The following PCDHA12 variants were observed in gnomAD, a reference collection of about 807,000 sequenced individuals.
PCDHA12 encodes protocadherin alpha 12.
A neutral mutation model predicts 60.0 loss-of-function variants in PCDHA12; 44 were observed. The ratio of observed to expected loss-of-function variants is 0.73; its 90% CI spans 0.58 to 0.94. The LOEUF (loss-of-function observed/expected upper bound fraction) is 0.94. PCDHA12 is among the 40% of genes least tolerant of loss of function. PCDHA12 has a pLI of 0.00. For synonymous variants in PCDHA12, 569 were observed against 553.0 expected (o/e 1.03, Z -0.40); for missense variants, 1,276 against 1,239.7 (o/e 1.03, Z -0.44).
At chr5:140,957,221 C>T (rs1171404836) in intron 1 of PCDHA12, among the ~76,000 whole-genome samples, 3 of 151,984 alleles carry the variant, frequency 2.0e-5, no homozygotes, top group Non-Finnish European at 4.4e-5. Flanking sequence ...AAAAATTTGG[C>T]GAAGCATTTT....
intron 1 of PCDHA12, chr5:140,884,803 C>A: frequency 1.6e-6 from 2 of 1,225,132 alleles, no homozygotes; most frequent in Non-Finnish European, 2.2e-6. Context: ...AATTTAACAA[C>A]TCTGCTGTGG....
At position 140,877,198 on chromosome 5, in the gene PCDHA12, G is replaced by A. The variant is rs781787046; in HGVS notation, c.1726G>A (p.Ala576Thr). Residue 576 changes from alanine to threonine, a missense_variant, in exon 1 of 4, where the codon GCA (alanine) becomes ACA (threonine). By Grantham distance (58) the Ala-to-Thr change is moderately conservative. Transcript: ENST00000398631. Reference sequence around the variant, plus strand: ...GACTCCGGCTGGCAGCGCAGGAGGCGCAGTTAGCGAGTTGGTACCGCGGTC... The same window carrying A: ...GACTCCGGCTGGCAGCGCAGGAGGCACAGTTAGCGAGTTGGTACCGCGGTC... ...LATPAGSAGG[A>T]VSELVPRSVG... The A allele has an allele frequency of 1.5e-5, 24 of 1,613,830 alleles. No individual in the cohort carries two copies. The highest frequency in any genetic ancestry group is 7.7e-5 in the South Asian group (7 of 91,064).
At chr5:140,964,107 G>A (rs1298844061) in intron 1 of PCDHA12, among the ~76,000 whole-genome samples, 1 of 152,090 alleles carries the variant, frequency 6.6e-6, no homozygotes, top group Non-Finnish European at 1.5e-5. Flanking sequence ...AACAGTCTGA[G>A]CAATCACATT....
At chr5:140,966,489 C>T in intron 1 of PCDHA12, 1 of 440,146 alleles carries the variant, frequency 2.3e-6, no homozygotes, top group Non-Finnish European at 3.9e-6. Flanking sequence ...TTCCCTCCCC[C>T]TGGAGCTGTA....
intron 1 of PCDHA12, among the ~76,000 whole-genome samples, chr5:140,961,185 G>T (rs2095595656): frequency 6.6e-6 from 1 of 152,100 alleles, no homozygotes; most frequent in Non-Finnish European, 1.5e-5. Context: ...ACTCCTCACA[G>T]GACCCTAGTG....
chr5:140,980,455 C>T (rs1412427414), intron 2 of PCDHA12, among the ~76,000 whole-genome samples: 1 of 152,086 alleles, frequency 6.6e-6, no homozygotes, highest in African/African-American at 2.4e-5. Context: ...CACGGTGAAA[C>T]CCTGTCTCTA....
chr5:141,007,393 T>C (rs1485010105), intron 3 of PCDHA12, among the ~76,000 whole-genome samples: 2 of 23,410 alleles, frequency 8.5e-5, no homozygotes, highest in African/African-American at 2.3e-4. Context: ...TCTACTAAAA[T>C]ACAAAAAAAA....
intron 3 of PCDHA12, among the ~76,000 whole-genome samples, chr5:140,985,628 T>C (rs1399381029): frequency 6.6e-6 from 1 of 152,116 alleles, no homozygotes; most frequent in Non-Finnish European, 1.5e-5. Flanking sequence ...TGTGTATTGC[T>C]CTTCTCATCC....
intron 1 of PCDHA12, among the ~76,000 whole-genome samples, chr5:140,912,304 C>T (rs904729298): frequency 6.6e-6 from 1 of 151,998 alleles, no homozygotes; most frequent in Admixed American, 6.6e-5. Flanking sequence ...TCCTGTAATC[C>T]AGTCAAGTTG....
chr5:140,899,931 C>G (rs1163496997), intron 1 of PCDHA12, among the ~76,000 whole-genome samples: 1 of 152,112 alleles, frequency 6.6e-6, no homozygotes, highest in African/African-American at 2.4e-5. Context: ...CCTCAGCCTC[C>G]TGAATAGCTG....
At chr5:140,931,662 T>C (rs905670675) in intron 1 of PCDHA12, among the ~76,000 whole-genome samples, 2 of 152,028 alleles carry the variant, frequency 1.3e-5, no homozygotes, top group Non-Finnish European at 2.9e-5. Context: ...GTGGGCTGGA[T>C]ATTTCCTTAT....
At chr5:140,948,305 T>C (rs1554218512) in intron 1 of PCDHA12, among the ~76,000 whole-genome samples, 1 of 151,622 alleles carries the variant, frequency 6.6e-6, no homozygotes, top group African/African-American at 2.4e-5. Context: ...ATATCTTTTC[T>C]TCTTGAGGGG....
chr5:140,986,036 G>A (rs2097184937), intron 3 of PCDHA12, among the ~76,000 whole-genome samples: 2 of 152,116 alleles, frequency 1.3e-5, no homozygotes, highest in Admixed American at 1.3e-4. Context: ...ACTGCGCCTG[G>A]CCTCACTGAT....
intron 2 of PCDHA12, among the ~76,000 whole-genome samples, chr5:140,981,266 A>C (rs1355658823): frequency 6.6e-6 from 1 of 152,166 alleles, no homozygotes; most frequent in Non-Finnish European, 1.5e-5. Context: ...AAGATAAGCA[A>C]ATGTCTAGTT....
Position 140,914,039 on chromosome 5 carries a change from G to A in PCDHA12, c.2367+36200G>A, listed in dbSNP as rs147787020. Among the ~76,000 whole-genome samples the A allele has an allele frequency of 2.0e-5, 3 of 152,238 alleles. No individual in the cohort carries two copies. In the East Asian group the frequency reaches 5.8e-4, roughly 29 times the overall value. ...ATGATCCACGTGCTGAGAAGAATGT[G>A]TATTCTGCAGCTGTTGGATGAAATG... is the stretch of plus-strand genomic sequence containing the variant. On this transcript the variant is annotated intron_variant, in intron 1 of 3. Coordinates refer to ENST00000398631, the MANE Select transcript of PCDHA12 (RefSeq NM_018903.4).
chr5:140,982,802 T>G (rs2153829847), intron 3 of PCDHA12, among the ~76,000 whole-genome samples: 1 of 152,122 alleles, frequency 6.6e-6, no homozygotes, highest in South Asian at 2.1e-4. Context: ...TGCATGTGTG[T>G]GTGTGTGTAT....
chr5:140,969,129 C>G (rs576180714), intron 1 of PCDHA12: 4 of 1,614,144 alleles, frequency 2.5e-6, no homozygotes, highest in Admixed American at 1.7e-5. Context: ...GGCTCCCTCA[C>G]CAAGACCTAC....
At chr5:140,908,452 T>A (rs2073982140) in intron 1 of PCDHA12, among the ~76,000 whole-genome samples, 1 of 152,196 alleles carries the variant, frequency 6.6e-6, no homozygotes, top group African/African-American at 2.4e-5. Context: ...TATGGCTAGA[T>A]GGATCAGAAA....
chr5:140,881,659 T>C (rs2058783076), intron 1 of PCDHA12, among the ~76,000 whole-genome samples: 1 of 152,240 alleles, frequency 6.6e-6, no homozygotes, highest in African/African-American at 2.4e-5. Flanking sequence ...CTTCACCGAT[T>C]TTATTCTTAT....
Sources: gnomAD v4.1 joint callset for allele counts (sites outside exome capture counted in the v4.1 genomes callset) on GRCh38, gnomAD v4.1.1 for gene constraint, MANE v1.5 for transcripts, NCBI Gene and HGNC (gene_info 2026-07-23, HGNC 2026-07-21) for gene names.